The following IGSF3 variants were observed in gnomAD, a reference collection of about 807,000 sequenced individuals.
IGSF3 encodes immunoglobulin superfamily member 3.
Under a neutral mutation model 114.4 loss-of-function variants are expected in IGSF3, and 23 were observed. That is an observed-to-expected ratio of 0.20 (90% CI 0.14 to 0.28). IGSF3 has a LOEUF of 0.28. IGSF3 is among the 10% of genes least tolerant of loss of function. IGSF3 has a pLI of 1.00. For synonymous variants in IGSF3, 571 were observed against 645.2 expected (o/e 0.88, Z 1.74); for missense variants, 1,172 against 1,591.5 (o/e 0.74, Z 4.48).
At chr1:116,653,675 C>T (rs1180105159) in intron 2 of IGSF3, among the ~76,000 whole-genome samples, 2 of 152,214 alleles carry the variant, frequency 1.3e-5, no homozygotes, top group Non-Finnish European at 2.9e-5. Context: ...TCTTTTTCTT[C>T]CCTCTAGGAC....
chr1:116,590,929 G>A (rs79279007), intron 7 of IGSF3, among the ~76,000 whole-genome samples: 1,627 of 152,328 alleles, frequency 0.011, 18 homozygotes, highest in Non-Finnish European at 0.017. Flanking sequence ...AGCATCTCCC[G>A]CAGTAAATCG....
In IGSF3 at chr1:116,595,872, C is replaced by T. The variant is rs1442153536; in HGVS notation, c.2029+4069G>A. Among the ~76,000 whole-genome samples, 1 of 152,204 alleles carries T rather than the reference C, an allele frequency of 6.6e-6. No homozygotes were observed. Among genetic ancestry groups the T allele is most frequent in the Non-Finnish European group, 1.5e-5 (1 of 68,038 alleles). ...AAAAGAGAAAAGAACTGATTAAGAG[C>T]TAATAATCAAACATGTGAACTGGCT... On this transcript the variant is annotated intron_variant, in intron 7 of 10. Coordinates refer to ENST00000369486, the MANE Select transcript of IGSF3 (RefSeq NM_001007237.3). The surrounding 1 kb of genome is among the most constrained non-coding windows in gnomAD (Gnocchi z 4.2).
At position 116,598,503 on chromosome 1, in the gene IGSF3, G is replaced by A. The variant is rs1255841161; in HGVS notation, c.2029+1438C>T. 6.6e-6 allele frequency among the ~76,000 whole-genome samples: 1 copy of A among 152,130 alleles called. No individual in the cohort carries two copies. Among genetic ancestry groups the A allele is most frequent in the Non-Finnish European group, 1.5e-5 (1 of 68,032 alleles). On this transcript the variant is annotated intron_variant, in intron 7 of 10. Transcript: ENST00000369486. The surrounding 1 kb of genome is among the most constrained non-coding windows in gnomAD (Gnocchi z 4.3). Reference sequence around the variant, plus strand: ...ATACAACTCACTTGTTCCAAATCTGGTACAGAACAGAACTCTGTTATGGGG... The same window carrying A: ...ATACAACTCACTTGTTCCAAATCTGATACAGAACAGAACTCTGTTATGGGG...
rs1056752224 is a variant in IGSF3, at chr1:116,628,365, A to T, written c.44-11908T>A. Among the ~76,000 whole-genome samples the T allele has an allele frequency of 6.6e-6, 1 of 152,094 alleles. No homozygotes were observed. The highest frequency in any genetic ancestry group is 2.4e-5 in the African/African-American group (1 of 41,404). ...ACTCCCCACTGTGGTTCTCAGCGCA[A>T]ATTCCCCAGAAAGCAATCTGACTGG... On this transcript the variant is annotated intron_variant, in intron 2 of 10. Coordinates refer to ENST00000369486, the MANE Select transcript of IGSF3 (RefSeq NM_001007237.3). This position sits in a 1 kb window ranked among gnomAD's most constrained non-coding sequence, Gnocchi z 4.2.
rs762012792 is a variant in IGSF3 at position 116,648,225 on chromosome 1, A to G, written c.43+18059T>C. ...TAAGAATGTCAACTCTCCATTCAAC[A>G]GAGAAACAGTGCCACCACTGTCTTT... On this transcript the variant is annotated intron_variant, in intron 2 of 10. Transcript: ENST00000369486. This position sits in a 1 kb window ranked among gnomAD's most constrained non-coding sequence, Gnocchi z 4.7. Among the ~76,000 whole-genome samples the G allele has an allele frequency of 2.0e-5, 3 of 152,260 alleles. No individual in the cohort carries two copies. The highest frequency in any genetic ancestry group is 2.9e-5 in the Non-Finnish European group (2 of 68,052).
At position 116,596,232 on chromosome 1, in the gene IGSF3, T is replaced by C. The variant is rs528818566; in HGVS notation, c.2029+3709A>G. On this transcript the variant is annotated intron_variant, in intron 7 of 10. Transcript: ENST00000369486. The surrounding 1 kb of genome is among the most constrained non-coding windows in gnomAD (Gnocchi z 4.1). The stretch of plus-strand genomic sequence containing the variant: ...AAGGCTGATGGTAAACAGACCAGCA[T>C]GAGTGAGTCAACAGTCCCTGGGTTC... 1.9e-3 allele frequency among the ~76,000 whole-genome samples: 294 copies of C among 152,312 alleles called. 4 individuals are homozygous for C. Among genetic ancestry groups the C allele is most frequent in the South Asian group, 1.2e-3 (6 of 4,828 alleles).
chr1:116,630,882 C>T (rs1257157013), intron 2 of IGSF3, among the ~76,000 whole-genome samples: 1 of 152,168 alleles, frequency 6.6e-6, no homozygotes, highest in Non-Finnish European at 1.5e-5. Flanking sequence ...CGAATCTATG[C>T]AGAGCTGCAT....
At chr1:116,630,504 T>C (rs1355550230) in intron 2 of IGSF3, among the ~76,000 whole-genome samples, 2 of 152,168 alleles carry the variant, frequency 1.3e-5, no homozygotes, top group African/African-American at 2.4e-5. Context: ...ATGAGCAAAC[T>C]GAGGCTCGGA....
At position 116,624,023 on chromosome 1, in the gene IGSF3, G is replaced by A. The variant is rs551677835; in HGVS notation, c.44-7566C>T. ...AATCGCTTGAACCCAGCAGGTGGAGGTTGCAGTGAGCCGAGATCATGTCAT... is the reference window on the plus strand; with the variant it reads ...AATCGCTTGAACCCAGCAGGTGGAGATTGCAGTGAGCCGAGATCATGTCAT... On this transcript the variant is annotated intron_variant, in intron 2 of 10. Coordinates refer to ENST00000369486, the MANE Select transcript of IGSF3 (RefSeq NM_001007237.3). This position sits in a 1 kb window ranked among gnomAD's most constrained non-coding sequence, Gnocchi z 4.9. Among the ~76,000 whole-genome samples, 1 of 147,010 alleles carries A rather than the reference G, an allele frequency of 6.8e-6. No homozygotes were observed. The highest frequency in any genetic ancestry group is 2.1e-4 in the South Asian group (1 of 4,734).
rs1648475773 is a variant in IGSF3 at position 116,648,082 on chromosome 1, C to T, written c.43+18202G>A. Among the ~76,000 whole-genome samples the T allele has an allele frequency of 6.6e-6, 1 of 151,978 alleles. No homozygotes were observed. The highest frequency in any genetic ancestry group is 6.6e-5 in the Admixed American group (1 of 15,250). ...TTGGGCCACTGCACTCCAGCCTGGG[C>T]GACACAGCAAGACTCCCTCTCAAAA... On this transcript the variant is annotated intron_variant, in intron 2 of 10. Coordinates refer to ENST00000369486, the MANE Select transcript of IGSF3 (RefSeq NM_001007237.3). This position sits in a 1 kb window ranked among gnomAD's most constrained non-coding sequence, Gnocchi z 4.7.
Position 116,626,369 on chromosome 1 carries a change from T to C in IGSF3, c.44-9912A>G, listed in dbSNP as rs1647281792. 1.3e-5 allele frequency among the ~76,000 whole-genome samples: 2 copies of C among 149,674 alleles called. 1 individual carries two copies. Among genetic ancestry groups the C allele is most frequent in the South Asian group, 4.1e-4 (2 of 4,832 alleles). On this transcript the variant is annotated intron_variant, in intron 2 of 10. Coordinates refer to ENST00000369486, the MANE Select transcript of IGSF3 (RefSeq NM_001007237.3). The stretch of plus-strand genomic sequence containing the variant: ...TTCATTGAGTTATGATCCTCAGTTT[T>C]CCTCCTCAAAGTTTTTGAGATCAAA...
At position 116,638,069 on chromosome 1, in the gene IGSF3, T is replaced by G. The variant is rs1647917078; in HGVS notation, c.44-21612A>C. ...TACTCAATAAACACACCAACTTTGA[T>G]GCCAAATCCCATGCCATCCCACACA... On this transcript the variant is annotated intron_variant, in intron 2 of 10. Coordinates refer to ENST00000369486, the MANE Select transcript of IGSF3 (RefSeq NM_001007237.3). This position sits in a 1 kb window ranked among gnomAD's most constrained non-coding sequence, Gnocchi z 4.1. Among the ~76,000 whole-genome samples, 1 of 152,224 alleles carries G rather than the reference T, an allele frequency of 6.6e-6. No individual in the cohort carries two copies. The highest frequency in any genetic ancestry group is 2.4e-5 in the African/African-American group (1 of 41,446).
In IGSF3 at chr1:116,666,575, G is replaced by A; in HGVS notation, c.-249C>T. On this transcript the variant is annotated 5_prime_UTR_variant, in exon 2 of 11. Transcript: ENST00000369486. ...CCACAACAATTCGGAAGTCGCTCCC[G>A]GCTCCTGCCACATCGTGTGCCTTGC... is the stretch of plus-strand genomic sequence containing the variant. 1 of 600,114 alleles carries A rather than the reference G, an allele frequency of 1.7e-6. No homozygotes were observed. The highest frequency in any genetic ancestry group is 3.0e-6 in the Non-Finnish European group (1 of 337,950). 37.2% of individuals were successfully genotyped at this position (600,114 alleles called of 1,614,324 possible). A position where few individuals can be genotyped will look rare whatever the true frequency, so the allele number is the denominator to read the frequency against.
In IGSF3 at chr1:116,583,231, T is replaced by C. The variant is rs1214587860; in HGVS notation, c.2848+1414A>G. Among the ~76,000 whole-genome samples the C allele has an allele frequency of 6.6e-6, 1 of 152,220 alleles. No individual in the cohort carries two copies. Among genetic ancestry groups the C allele is most frequent in the Non-Finnish European group, 1.5e-5 (1 of 68,034 alleles). On this transcript the variant is annotated intron_variant, in intron 9 of 10. Coordinates refer to ENST00000369486, the MANE Select transcript of IGSF3 (RefSeq NM_001007237.3). This position sits in a 1 kb window ranked among gnomAD's most constrained non-coding sequence, Gnocchi z 4.5. Reference sequence around the variant, plus strand: ...CTCCCACTCCATCTGGGAGCCTCAGTGTGCTGACCTGCAGAATGGGAGGGA... The same window carrying C: ...CTCCCACTCCATCTGGGAGCCTCAGCGTGCTGACCTGCAGAATGGGAGGGA...
Position 116,625,696 on chromosome 1 carries a change from G to A in IGSF3, c.44-9239C>T, listed in dbSNP as rs1661550904. 6.6e-6 allele frequency among the ~76,000 whole-genome samples: 1 copy of A among 152,144 alleles called. No individual in the cohort carries two copies. The highest frequency in any genetic ancestry group is 6.5e-5 in the Admixed American group (1 of 15,272). On this transcript the variant is annotated intron_variant, in intron 2 of 10. Coordinates refer to ENST00000369486, the MANE Select transcript of IGSF3 (RefSeq NM_001007237.3). The surrounding 1 kb of genome is among the most constrained non-coding windows in gnomAD (Gnocchi z 4.7). ...ATGCGACAAGATGAGGGCCTGGCCT[G>A]GTTTTAAATCCAAGGACAAAAATAT...
At chr1:116,659,171 G>A (rs1170809294) in intron 2 of IGSF3, among the ~76,000 whole-genome samples, 5 of 152,136 alleles carry the variant, frequency 3.3e-5, no homozygotes, top group South Asian at 4.2e-4. Context: ...TTATAGATGC[G>A]GAAGACATAC....
At chr1:116,606,053 C>T (rs1660781005) in intron 5 of IGSF3, among the ~76,000 whole-genome samples, 2 of 152,240 alleles carry the variant, frequency 1.3e-5, no homozygotes, top group South Asian at 2.1e-4. Context: ...TGCCCACTAA[C>T]ACTATTTACA....
In IGSF3 at chr1:116,657,407, C is replaced by T. The variant is rs1648905459; in HGVS notation, c.43+8877G>A. ...GACGACCTTAGAGATTTCAAAATCACCTAACAATAACCCCACTTTCCCTAA... is the reference window on the plus strand; with the variant it reads ...GACGACCTTAGAGATTTCAAAATCATCTAACAATAACCCCACTTTCCCTAA... On this transcript the variant is annotated intron_variant, in intron 2 of 10. Transcript: ENST00000369486. The surrounding 1 kb of genome is among the most constrained non-coding windows in gnomAD (Gnocchi z 4.2). Among the ~76,000 whole-genome samples the T allele has an allele frequency of 6.6e-6, 1 of 152,172 alleles. No homozygotes were observed. Among genetic ancestry groups the T allele is most frequent in the Non-Finnish European group, 1.5e-5 (1 of 68,032 alleles).
At chr1:116,656,293 CTTTTTTTTTTTTT>C (rs56148691) in intron 2 of IGSF3, among the ~76,000 whole-genome samples, 7 of 62,438 alleles carry the variant, frequency 1.1e-4, no homozygotes, top group South Asian at 9.2e-4. Context: ...TTTCTACATT[CTTTTTTTTTTTTT>C]TTTTTTTTTT....
Sources: allele counts gnomAD v4.1 joint callset (sites outside exome capture counted in the v4.1 genomes callset), GRCh38; gene constraint gnomAD v4.1.1; non-coding constraint Gnocchi (gnomAD v3.1); transcripts MANE v1.5; gene names NCBI Gene and HGNC (gene_info 2026-07-23, HGNC 2026-07-21).